The following FAM221B variants were observed in gnomAD, a reference collection of about 807,000 sequenced individuals.
FAM221B encodes the protein family with sequence similarity 221 member B, also known as protein FAM221B.
A neutral mutation model predicts 39.8 loss-of-function variants in FAM221B; 35 were observed. That is an observed-to-expected ratio of 0.88 (90% CI 0.67 to 1.17). The LOEUF (loss-of-function observed/expected upper bound fraction) is 1.17. Among genes scored for constraint, FAM221B ranks in the 50% most tolerant of loss-of-function variants. The pLI, the probability that FAM221B is intolerant of heterozygous loss-of-function variation, is 0.00. For synonymous variants in FAM221B, 158 were observed against 178.1 expected (o/e 0.89, Z 0.90); for missense variants, 479 against 503.1 (o/e 0.95, Z 0.46).
intron 3 of FAM221B, chr9:35,821,734 G>C: frequency 3.3e-6 from 2 of 606,852 alleles, no homozygotes; most frequent in Non-Finnish European, 5.3e-6. Context: ...GTAGGAATCA[G>C]TGCCCAGCAT....
chr9:35,825,818 T>C lies in FAM221B; in HGVS notation c.344A>G (p.Tyr115Cys). 6.2e-7 allele frequency: 1 copy of C among 1,613,928 alleles called. No homozygotes were observed. Among genetic ancestry groups the C allele is most frequent in the Non-Finnish European group, 8.5e-7 (1 of 1,179,954 alleles). Residue 115 changes from tyrosine (Y) to cysteine (C), a missense_variant, in exon 2 of 7, where the codon TAT (tyrosine) becomes TGT (cysteine). Physicochemically the swap from Tyr to Cys is radical, Grantham distance 194. Transcript: ENST00000423537. This position sits in a 1 kb window ranked among gnomAD's most constrained non-coding sequence, Gnocchi z 4.2. ...AGTATCAGAAGAAGACAGACAGACA[T>C]AGTCTCGTGATTGGGGAGGAAGAGT... ...HLTLPPQSRD[Y>C]VCLSSSDTLK...
In FAM221B at chr9:35,819,200, G is replaced by A. The variant is rs1199806118; in HGVS notation, c.1048C>T (p.His350Tyr). ...CACCTCTTGCCCTAGAAGTTACCATGATGCCTGCAGGGATGGGGCCCAGTG... is the reference window on the plus strand; with the variant it reads ...CACCTCTTGCCCTAGAAGTTACCATAATGCCTGCAGGGATGGGGCCCAGTG... ...AATGPHPCRH[H>Y]GCCCGCFESN... Residue 350 changes from histidine to tyrosine, a missense_variant, in exon 5 of 7, where the codon CAT (histidine) becomes TAT (tyrosine). Transcript: ENST00000423537. 6.4e-7 allele frequency: 1 copy of A among 1,551,056 alleles called. No homozygotes were observed. Among genetic ancestry groups the A allele is most frequent in the Non-Finnish European group, 8.7e-7 (1 of 1,146,594 alleles).
chr9:35,825,663 C>T lies in FAM221B; in HGVS notation c.499G>A (p.Asp167Asn), dbSNP rs1407694506. 5 of 1,614,194 alleles carry T rather than the reference C, an allele frequency of 3.1e-6. No homozygotes were observed. Among genetic ancestry groups the T allele is most frequent in the Middle Eastern group, 1.6e-4 (1 of 6,062 alleles). Reference protein sequence around the residue: ...LSGPSSQVQVDTTEKQEEEAG... With the variant: ...LSGPSSQVQVNTTEKQEEEAG... ...TCTTCCTCCTGCTTTTCGGTTGTGT[C>T]CACTTGGACCTGGGATGAAGGGCCT... The change falls in exon 2 of 7, where the codon GAC becomes AAC. Residue 167 changes from aspartate (D) to asparagine (N), a missense_variant. Asp to Asn is a conservative substitution (Grantham distance 23). Coordinates refer to ENST00000423537, the MANE Select transcript of FAM221B (RefSeq NM_001012446.4). The surrounding 1 kb of genome is among the most constrained non-coding windows in gnomAD (Gnocchi z 4.2).
At chr9:35,826,454 T>C (rs1001392684) in intron 1 of FAM221B, among the ~76,000 whole-genome samples, 4 of 152,166 alleles carry the variant, frequency 2.6e-5, no homozygotes, top group African/African-American at 9.7e-5. Flanking sequence ...CAGAGAACCA[T>C]GTCCCAGGAG....
At chr9:35,818,834 C>T in intron 6 of FAM221B, 56 bp downstream of exon 6, 1 of 1,547,212 alleles carries the variant, frequency 6.5e-7, no homozygotes. Flanking sequence ...GCCTTCCTGC[C>T]TGGCCTTCTG....
Position 35,825,437 on chromosome 9 carries a change from C to T in FAM221B, c.599-64G>A. Reference sequence around the variant, plus strand: ...AAGGCCCTAAAACTAAGAGAAGGGGCCATGTCCAAGAGTAACCCAGTCTCC... The same window carrying T: ...AAGGCCCTAAAACTAAGAGAAGGGGTCATGTCCAAGAGTAACCCAGTCTCC... On this transcript the variant is annotated intron_variant, in intron 2 of 6. Coordinates refer to ENST00000423537, the MANE Select transcript of FAM221B (RefSeq NM_001012446.4). This position sits in a 1 kb window ranked among gnomAD's most constrained non-coding sequence, Gnocchi z 4.2. The T allele has an allele frequency of 6.2e-7, 1 of 1,606,330 alleles. No individual in the cohort carries two copies.
chr9:35,825,579 G>A lies in FAM221B; in HGVS notation c.583C>T (p.Pro195Ser), dbSNP rs905793541. 3.7e-6 allele frequency: 6 copies of A among 1,612,218 alleles called. No homozygotes were observed. The African/African-American group carries it at 4.0e-5, about 11-fold the overall frequency. Residue 195 changes from proline (P) to serine (S), a missense_variant, in exon 2 of 7, where the codon CCT becomes TCT. Pro to Ser is a moderately conservative substitution (Grantham distance 74). Coordinates refer to ENST00000423537, the MANE Select transcript of FAM221B (RefSeq NM_001012446.4). This position sits in a 1 kb window ranked among gnomAD's most constrained non-coding sequence, Gnocchi z 4.2. Reference sequence around the variant, plus strand: ...TTCTTCTTGCCTAGTTGGTGTCCAGGTTGGGCTGTGTGAGCAGTGCTGTCA... The same window carrying A: ...TTCTTCTTGCCTAGTTGGTGTCCAGATTGGGCTGTGTGAGCAGTGCTGTCA... ...ASDSTAHTAQ[P>S]GHQLGNTARP...
chr9:35,818,839 C>G, intron 6 of FAM221B, 51 bp downstream of exon 6: 3 of 1,548,260 alleles, frequency 1.9e-6, no homozygotes, highest in Non-Finnish European at 8.7e-7. Flanking sequence ...CCTGCCTGGC[C>G]TTCTGACTAC....
At chr9:35,822,737 C>T (rs1829178746) in intron 3 of FAM221B, among the ~76,000 whole-genome samples, 1 of 152,162 alleles carries the variant, frequency 6.6e-6, no homozygotes, top group South Asian at 2.1e-4. Flanking sequence ...GTCCACTTCT[C>T]TCCACCTAAG....
At position 35,819,339 on chromosome 9, in the gene FAM221B, G is replaced by C. The variant is rs530277196; in HGVS notation, c.909C>G (p.Ile303Met). The C allele has an allele frequency of 1.9e-6, 3 of 1,551,736 alleles. No homozygotes were observed. Among genetic ancestry groups the C allele is most frequent in the Middle Eastern group, 1.7e-4 (1 of 5,992 alleles). Residue 303 changes from isoleucine to methionine, a missense_variant, in exon 5 of 7, where the codon ATC (isoleucine) becomes ATG (methionine). Transcript: ENST00000423537. Reference protein sequence around the residue: ...SQCRCFMFCFIPSRPEEVGEF... With the variant: ...SQCRCFMFCFMPSRPEEVGEF... ...CACCCACCTCCTCTGGGCGTGATGG[G>C]ATAAAGCAGAACATGAAGCAGCGGC... is the stretch of plus-strand genomic sequence containing the variant.
chr9:35,828,567 G>T lies in FAM221B; in HGVS notation c.-105C>A, dbSNP rs1829532037. The T allele has an allele frequency of 1.0e-6, 1 of 985,488 alleles. No individual in the cohort carries two copies. The highest frequency in any genetic ancestry group is 1.7e-5 in the African/African-American group (1 of 57,336). The allele number at this position is 985,488 out of a possible 1,614,324, so 61.0% of individuals were successfully genotyped here. On this transcript the variant is annotated 5_prime_UTR_variant, in exon 1 of 7. Transcript: ENST00000423537. The surrounding 1 kb of genome is among the most constrained non-coding windows in gnomAD (Gnocchi z 4.5). ...CAGGGAGGAAAGGCTCTTGGTTGTG[G>T]ATGTGCCTCAGCTGCAGGTGCTGAG...
chr9:35,826,234 G>A, intron 1 of FAM221B, 73 bp from the exon 2 acceptor site: 1 of 1,143,482 alleles, frequency 8.7e-7, no homozygotes, highest in Non-Finnish European at 1.2e-6. Flanking sequence ...AGAGCCCAGG[G>A]TTCGCAGTGC....
Position 35,817,137 on chromosome 9 carries a change from T to C in FAM221B, c.*1332A>G, listed in dbSNP as rs1003686426. The C allele has an allele frequency of 6.6e-6, 1 of 152,246 alleles. No individual in the cohort carries two copies. Among genetic ancestry groups the C allele is most frequent in the Non-Finnish European group, 1.5e-5 (1 of 68,044 alleles). 9.4% of individuals were successfully genotyped at this position (152,246 alleles called of 1,614,324 possible). On this transcript the variant is annotated 3_prime_UTR_variant, in exon 7 of 7. Transcript: ENST00000423537. ...GCCTAAAGAGGGACAGTGACTTGCCTGGGTTCACAGAGCCCATTAGTGCTG... is the reference window on the plus strand; with the variant it reads ...GCCTAAAGAGGGACAGTGACTTGCCCGGGTTCACAGAGCCCATTAGTGCTG...
chr9:35,825,938 T>C lies in FAM221B; in HGVS notation c.224A>G (p.His75Arg). 2 of 1,613,576 alleles carry C rather than the reference T, an allele frequency of 1.2e-6. No homozygotes were observed. The highest frequency in any genetic ancestry group is 2.2e-5 in the South Asian group (2 of 91,018). ...IPLEAHSPET[H>R]QEPSISETPS... ...AGTCTCAGAGATGGAAGGCTCCTGATGGGTTTCAGGGGAATGGGCCTCTAA... is the reference window on the plus strand; with the variant it reads ...AGTCTCAGAGATGGAAGGCTCCTGACGGGTTTCAGGGGAATGGGCCTCTAA... The change falls in exon 2 of 7, where the codon CAT becomes CGT. Residue 75 changes from histidine (H) to arginine (R), a missense_variant. His to Arg is a conservative substitution (Grantham distance 29, BLOSUM62 0). Transcript: ENST00000423537. This position sits in a 1 kb window ranked among gnomAD's most constrained non-coding sequence, Gnocchi z 4.2.
At position 35,825,308 on chromosome 9, in the gene FAM221B, G is replaced by A. The variant is rs375124029; in HGVS notation, c.664C>T (p.His222Tyr). The A allele has an allele frequency of 1.9e-5, 30 of 1,614,230 alleles. No homozygotes were observed. The African/African-American group carries it at 3.7e-4, about 20-fold the overall frequency. Residue 222 changes from histidine to tyrosine, a missense_variant, in exon 3 of 7, where the codon CAT becomes TAT. Coordinates refer to ENST00000423537, the MANE Select transcript of FAM221B (RefSeq NM_001012446.4). The surrounding 1 kb of genome is among the most constrained non-coding windows in gnomAD (Gnocchi z 4.2). ...ACTTGAGCACCAAACTCCTCTCTAT[G>A]CATTGCCTTAGCCACTTCCACCAGC... ...TELVEVAKAMHREEFGAQVNN... is the reference protein window; with the variant it reads ...TELVEVAKAMYREEFGAQVNN...
Position 35,816,799 on chromosome 9 carries a change from G to A in FAM221B, c.*1670C>T, listed in dbSNP as rs1003747524. ...ATTTGATTCTGTGATTTTCCCCAGG[G>A]ATCCTAGCAGTCCAGATTGCATTCC... On this transcript the variant is annotated 3_prime_UTR_variant, in exon 7 of 7. Coordinates refer to ENST00000423537, the MANE Select transcript of FAM221B (RefSeq NM_001012446.4). 2.0e-5 allele frequency: 3 copies of A among 152,182 alleles called. No individual in the cohort carries two copies. The highest frequency in any genetic ancestry group is 4.4e-5 in the Non-Finnish European group (3 of 68,026). 9.4% of individuals were successfully genotyped at this position (152,182 alleles called of 1,614,324 possible).
chr9:35,825,247 A>T lies in FAM221B; in HGVS notation c.725T>A (p.Leu242Gln). 6.2e-7 allele frequency: 1 copy of T among 1,614,236 alleles called. No individual in the cohort carries two copies. The highest frequency in any genetic ancestry group is 8.5e-7 in the Non-Finnish European group (1 of 1,180,038). The change falls in exon 3 of 7, where the codon CTG (leucine) becomes CAG (glutamine). Residue 242 changes from leucine (L) to glutamine (Q), a missense_variant. By Grantham distance (113) the Leu-to-Gln change is moderately radical. Coordinates refer to ENST00000423537, the MANE Select transcript of FAM221B (RefSeq NM_001012446.4). This position sits in a 1 kb window ranked among gnomAD's most constrained non-coding sequence, Gnocchi z 4.2. The stretch of plus-strand genomic sequence containing the variant: ...GGGCTCACCTGTCTGGATGGCATTC[A>T]GGGCTGCATCCTTCTCCCACTGGAA... ...NLFQWEKDAA[L>Q]NAIQTGLYIG...
intron 6 of FAM221B, 34 bp downstream of exon 6, chr9:35,818,856 T>G: frequency 6.4e-7 from 1 of 1,550,426 alleles, no homozygotes; most frequent in Non-Finnish European, 8.7e-7. Flanking sequence ...CTACAGACCC[T>G]GGAATGGCCC....
Position 35,825,784 on chromosome 9 carries a change from T to C in FAM221B, c.378A>G (p.Glu126=). Reference sequence around the variant, plus strand: ...TGGAAGAAGACTCAGAGGAGAGGTCTTCCTTCAGAGTATCAGAAGAAGACA... The same window carrying C: ...TGGAAGAAGACTCAGAGGAGAGGTCCTCCTTCAGAGTATCAGAAGAAGACA... The part of the protein sequence containing the change: ...VCLSSSDTLK[E]DLSSESSSNE... Residue 126 remains glutamate, a synonymous_variant, in exon 2 of 7, where the codon GAA becomes GAG. Transcript: ENST00000423537. The surrounding 1 kb of genome is among the most constrained non-coding windows in gnomAD (Gnocchi z 4.2). 3.7e-6 allele frequency: 6 copies of C among 1,614,200 alleles called. No individual in the cohort carries two copies. The highest frequency in any genetic ancestry group is 5.1e-6 in the Non-Finnish European group (6 of 1,180,028).
Sources: gnomAD v4.1 joint callset for allele counts (sites outside exome capture counted in the v4.1 genomes callset) on GRCh38, gnomAD v4.1.1 for gene constraint, Gnocchi (gnomAD v3.1) non-coding constraint, MANE v1.5 for transcripts, NCBI Gene and HGNC (gene_info 2026-07-23, HGNC 2026-07-21) for gene names.